Variants in TMEM178B observed in about 807,000 individuals in gnomAD.
The protein encoded by TMEM178B is transmembrane protein 178B.
In TMEM178B, 5 loss-of-function variants were observed where a neutral mutation model predicts 31.0. The observed-to-expected ratio is 0.16, with a 90% CI of 0.08 to 0.34. The LOEUF is 0.34. Among genes scored for constraint, TMEM178B ranks in the 10% least tolerant of loss-of-function variants. The pLI, the probability that TMEM178B is intolerant of heterozygous loss-of-function variation, is 1.00. For synonymous variants in TMEM178B, 164 were observed against 164.0 expected, an observed-to-expected ratio of 1.00 and a Z score of 0.00; for missense variants, 275 against 400.3, an observed-to-expected ratio of 0.69 and a Z score of 2.67.
chr7:141,146,097 G>C (rs576095958), intron 1 of TMEM178B, among the ~76,000 whole-genome samples: 1 of 152,216 alleles, frequency 6.6e-6, no homozygotes, highest in East Asian at 1.9e-4. Context: ...GGCAAAGTAG[G>C]TGTTAATACC....
At chr7:141,233,817 C>T (rs1281753420) in intron 2 of TMEM178B, among the ~76,000 whole-genome samples, 1 of 152,216 alleles carries the variant, frequency 6.6e-6, no homozygotes, top group African/African-American at 2.4e-5. Flanking sequence ...CATTGTGCAT[C>T]TGTCCCTATC....
At chr7:141,332,569 A>G (rs1469771176) in intron 2 of TMEM178B, among the ~76,000 whole-genome samples, 1 of 152,122 alleles carries the variant, frequency 6.6e-6, no homozygotes, top group South Asian at 2.1e-4. Context: ...ATGTCACGGG[A>G]ATGTCTGTGA....
At chr7:141,483,845 C>A (rs1170565119), downstream of TMEM178B, among the ~76,000 whole-genome samples, 1 of 151,822 alleles carries the variant, frequency 6.6e-6, no homozygotes, top group Non-Finnish European at 1.5e-5. Flanking sequence ...AAGTGATTCT[C>A]CTGTCTTAAC....
intron 2 of TMEM178B, among the ~76,000 whole-genome samples, chr7:141,306,621 G>GT (rs1168697391): frequency 0.073 from 10,385 of 141,572 alleles, 451 homozygotes; most frequent in Non-Finnish European, 0.11. Flanking sequence ...CTGAGAGTCT[G>GT]TTTTTTTTTT....
intron 2 of TMEM178B, among the ~76,000 whole-genome samples, chr7:141,345,492 A>G (rs367817592): frequency 5.3e-5 from 8 of 152,286 alleles, no homozygotes; most frequent in African/African-American, 1.9e-4. Context: ...AGCTACAGTA[A>G]AGATGGCACC....
intron 1 of TMEM178B, among the ~76,000 whole-genome samples, chr7:141,206,474 T>G (rs6464420): frequency 6.6e-6 from 1 of 151,992 alleles, no homozygotes; most frequent in Admixed American, 6.5e-5. Flanking sequence ...ACCTACCCTC[T>G]GGCTTCTAGT....
At chr7:141,079,202 G>A (rs186474315) in intron 1 of TMEM178B, among the ~76,000 whole-genome samples, 4 of 152,246 alleles carry the variant, frequency 2.6e-5, no homozygotes, top group Admixed American at 6.5e-5. Flanking sequence ...CAGGAGAATC[G>A]CTTGAACCTA....
intron 2 of TMEM178B, among the ~76,000 whole-genome samples, chr7:141,401,659 G>A (rs971720175): frequency 2.0e-5 from 3 of 152,032 alleles, no homozygotes; most frequent in African/African-American, 7.3e-5. Flanking sequence ...TCCCAACTTG[G>A]CCTCCTAAAG....
intron 1 of TMEM178B, among the ~76,000 whole-genome samples, chr7:141,200,269 C>T (rs187883688): frequency 3.3e-5 from 5 of 151,624 alleles, no homozygotes; most frequent in African/African-American, 9.7e-5. Context: ...TCCTGGTTGC[C>T]GGGGGAGACA....
chr7:141,421,208 T>C (rs1801203436), intron 2 of TMEM178B, among the ~76,000 whole-genome samples: 1 of 152,200 alleles, frequency 6.6e-6, no homozygotes, highest in Admixed American at 6.5e-5. Context: ...AGGCCCCTTC[T>C]CCATCATGCT....
intron 2 of TMEM178B, among the ~76,000 whole-genome samples, chr7:141,349,301 A>G (rs1225974325): frequency 6.6e-6 from 1 of 152,226 alleles, no homozygotes; most frequent in African/African-American, 2.4e-5. Context: ...GTATATTTAT[A>G]TGCACATTAG....
chr7:141,304,808 C>G (rs1354390456), intron 2 of TMEM178B, among the ~76,000 whole-genome samples: 1 of 152,202 alleles, frequency 6.6e-6, no homozygotes, highest in Non-Finnish European at 1.5e-5. Context: ...ACCTTCATCT[C>G]TTATTTTCCA....
At chr7:141,279,857 A>G (rs1246686585) in intron 2 of TMEM178B, among the ~76,000 whole-genome samples, 1 of 152,326 alleles carries the variant, frequency 6.6e-6, no homozygotes, top group East Asian at 1.9e-4. Context: ...ATGATTCCCA[A>G]GTTATTCACT....
At chr7:141,211,206 G>A (rs1467253388) in intron 1 of TMEM178B, among the ~76,000 whole-genome samples, 1 of 152,136 alleles carries the variant, frequency 6.6e-6, no homozygotes, top group Non-Finnish European at 1.5e-5. Flanking sequence ...GATGCTTGTG[G>A]GCTAAAGGAA....
intron 1 of TMEM178B, among the ~76,000 whole-genome samples, chr7:141,126,780 C>T (rs994380678): frequency 2.0e-4 from 31 of 151,970 alleles, no homozygotes; most frequent in Non-Finnish European, 1.0e-4. Flanking sequence ...AAATCACGTG[C>T]GAGACCTTGG....
chr7:141,081,571 G>T (rs1272952719), intron 1 of TMEM178B, among the ~76,000 whole-genome samples: 1 of 151,980 alleles, frequency 6.6e-6, no homozygotes, highest in Non-Finnish European at 1.5e-5. Context: ...GGGAGGTGGA[G>T]GTTGTAGTGA....
At chr7:141,079,468 G>A (rs2129170656) in intron 1 of TMEM178B, among the ~76,000 whole-genome samples, 1 of 152,198 alleles carries the variant, frequency 6.6e-6, no homozygotes, top group African/African-American at 2.4e-5. Context: ...AAAGAACCAA[G>A]CACATAACTT....
intron 2 of TMEM178B, among the ~76,000 whole-genome samples, chr7:141,258,067 C>T (rs931866767): frequency 1.3e-5 from 2 of 151,532 alleles, no homozygotes; most frequent in African/African-American, 2.4e-5. Flanking sequence ...TCATAATCTA[C>T]TTCAGATTAA....
In TMEM178B at chr7:141,459,900, T is replaced by A. The variant is rs117836336; in HGVS notation, c.635-10636T>A. ...AAAGAACAAATGGATTGAAGGGAGCTGAGTGGGAGTGAGCATAATTACCTG... is the reference window on the plus strand; with the variant it reads ...AAAGAACAAATGGATTGAAGGGAGCAGAGTGGGAGTGAGCATAATTACCTG... On this transcript the variant is annotated intron_variant, in intron 3 of 3. Transcript: ENST00000565468. Among the ~76,000 whole-genome samples, 831 of 147,562 alleles carry A rather than the reference T, an allele frequency of 5.6e-3. 1 individual carries two copies. Among genetic ancestry groups the A allele is most frequent in the Non-Finnish European group, 9.0e-3 (603 of 67,326 alleles).
Sources: gnomAD v4.1 joint callset for allele counts (sites outside exome capture counted in the v4.1 genomes callset) on GRCh38, gnomAD v4.1.1 for gene constraint, MANE v1.5 for transcripts, NCBI Gene and HGNC (gene_info 2026-07-23, HGNC 2026-07-21) for gene names.